RPS6KC1: variants seen among roughly 807,000 people sequenced by gnomAD.
RPS6KC1 encodes the protein ribosomal protein S6 kinase C1, also known as inactive ribosomal protein S6 kinase delta-1.
A neutral mutation model predicts 103.8 loss-of-function variants in RPS6KC1; 54 were observed. The ratio of observed to expected loss-of-function variants is 0.52; its 90% CI spans 0.42 to 0.65. The LOEUF (loss-of-function observed/expected upper bound fraction) is 0.65. Among genes scored for constraint, RPS6KC1 ranks in the 30% least tolerant of loss-of-function variants. RPS6KC1 has a pLI of 0.00. For synonymous variants in RPS6KC1, 439 were observed against 438.7 expected, an observed-to-expected ratio of 1.00 and a Z score of -0.01; for missense variants, 1,151 against 1,253.8, an observed-to-expected ratio of 0.92 and a Z score of 1.24.
chr1:213,156,175 C>T (rs922008204), intron 6 of RPS6KC1, among the ~76,000 whole-genome samples: 6 of 152,028 alleles, frequency 3.9e-5, no homozygotes, highest in African/African-American at 1.5e-4. Context: ...TTACAAAAGA[C>T]CAAACTGAAC....
chr1:213,743,043 T>C, the RPS6KC1 span, among the ~76,000 whole-genome samples: 1 of 152,118 alleles, frequency 6.6e-6, no homozygotes, highest in Non-Finnish European at 1.5e-5. Flanking sequence ...TGGGTATATA[T>C]CCAAAAGAAA....
chr1:213,704,324 C>G, the RPS6KC1 span, among the ~76,000 whole-genome samples: 4 of 146,762 alleles, frequency 2.7e-5, no homozygotes, highest in Non-Finnish European at 6.0e-5. Context: ...GGGGGCGGAG[C>G]CTGCAGTGAG....
At chr1:213,452,834 G>T in the RPS6KC1 span, among the ~76,000 whole-genome samples, 5 of 152,214 alleles carry the variant, frequency 3.3e-5, no homozygotes, top group East Asian at 9.6e-4. Context: ...ATCTGCATGA[G>T]TGAGGGCTAA....
At chr1:213,776,364 TG>T in the RPS6KC1 span, among the ~76,000 whole-genome samples, 2 of 151,944 alleles carry the variant, frequency 1.3e-5, no homozygotes, top group Non-Finnish European at 2.9e-5. Context: ...ATCTATGGGC[TG>T]CAGAATGGAT....
At chr1:213,498,777 T>C in the RPS6KC1 span, among the ~76,000 whole-genome samples, 7,921 of 132,856 alleles carry the variant, frequency 0.06, 722 homozygotes, top group African/African-American at 0.2. Context: ...CTAAGATTTT[T>C]TTTTTTTTTT....
At chr1:213,613,204 G>A in the RPS6KC1 span, among the ~76,000 whole-genome samples, 2 of 152,214 alleles carry the variant, frequency 1.3e-5, no homozygotes, top group Non-Finnish European at 2.9e-5. Flanking sequence ...GGAATTGGTG[G>A]CCCCTGAGTG....
the RPS6KC1 span, among the ~76,000 whole-genome samples, chr1:213,309,753 C>T: frequency 2.7e-5 from 4 of 150,540 alleles, no homozygotes; most frequent in South Asian, 4.2e-4. Context: ...GGTGAGATCT[C>T]GGCTCACTGC....
the RPS6KC1 span, among the ~76,000 whole-genome samples, chr1:213,697,061 C>G: frequency 6.6e-6 from 1 of 152,192 alleles, no homozygotes; most frequent in African/African-American, 2.4e-5. Context: ...TAAAGCACCT[C>G]ACAGAACTCA....
intron 6 of RPS6KC1, among the ~76,000 whole-genome samples, chr1:213,151,175 C>A (rs2088776285): frequency 7.3e-6 from 1 of 136,572 alleles, no homozygotes; most frequent in Non-Finnish European, 1.6e-5. Context: ...GGGGGCTGAC[C>A]CCCCCACCTC....
chr1:213,690,906 A>T, the RPS6KC1 span, among the ~76,000 whole-genome samples: 1 of 151,804 alleles, frequency 6.6e-6, no homozygotes, highest in African/African-American at 2.4e-5. Context: ...AGTCCAAGGT[A>T]CTCCTGGCTG....
intron 2 of RPS6KC1, among the ~76,000 whole-genome samples, chr1:213,072,393 C>T (rs1225268868): frequency 6.6e-6 from 1 of 151,742 alleles, no homozygotes; most frequent in African/African-American, 2.4e-5. Context: ...TATTTTTATA[C>T]AAAAATTAGC....
chr1:213,522,784 T>G, the RPS6KC1 span, among the ~76,000 whole-genome samples: 1 of 152,322 alleles, frequency 6.6e-6, no homozygotes, highest in Middle Eastern at 3.4e-3. Flanking sequence ...CAGGACCTAT[T>G]TCTGGATCAA....
At chr1:213,191,964 A>G (rs2092764325) in intron 8 of RPS6KC1, among the ~76,000 whole-genome samples, 1 of 152,036 alleles carries the variant, frequency 6.6e-6, no homozygotes, top group Admixed American at 6.6e-5. Flanking sequence ...ACGTGTCACC[A>G]TGCCCAGCTT....
At chr1:213,846,396 G>A in the RPS6KC1 span, among the ~76,000 whole-genome samples, 7 of 152,102 alleles carry the variant, frequency 4.6e-5, no homozygotes, top group East Asian at 1.9e-4. Context: ...CACTAACAGC[G>A]CCTCCACTTC....
the RPS6KC1 span, among the ~76,000 whole-genome samples, chr1:213,551,847 C>T: frequency 1.3e-5 from 2 of 152,220 alleles, no homozygotes; most frequent in Non-Finnish European, 2.9e-5. Context: ...TTCCTCTGTG[C>T]TCTGCCTATT....
At chr1:213,570,814 T>G in the RPS6KC1 span, among the ~76,000 whole-genome samples, 1 of 152,194 alleles carries the variant, frequency 6.6e-6, no homozygotes, top group African/African-American at 2.4e-5. Flanking sequence ...TCCACATTGA[T>G]CCCATCTACT....
At chr1:213,448,027 A>C in the RPS6KC1 span, among the ~76,000 whole-genome samples, 2 of 152,028 alleles carry the variant, frequency 1.3e-5, no homozygotes, top group South Asian at 4.1e-4. Flanking sequence ...TGAGGCCAGG[A>C]GTTTGAGACC....
intron 14 of RPS6KC1, among the ~76,000 whole-genome samples, chr1:213,266,534 T>C (rs2094915755): frequency 6.6e-6 from 1 of 152,148 alleles, no homozygotes; most frequent in Non-Finnish European, 1.5e-5. Context: ...TTAGACAGAT[T>C]TGGTAAAAAA....
At chr1:213,239,147 G>A (rs1004085792) in intron 10 of RPS6KC1, among the ~76,000 whole-genome samples, 6 of 152,106 alleles carry the variant, frequency 3.9e-5, no homozygotes, top group Non-Finnish European at 7.4e-5. Flanking sequence ...ATAATATCCT[G>A]TACCACTAAC....
Sources: gnomAD v4.1 joint callset for allele counts (sites outside exome capture counted in the v4.1 genomes callset) on GRCh38, gnomAD v4.1.1 for gene constraint, MANE v1.5 for transcripts, NCBI Gene and HGNC (gene_info 2026-07-23, HGNC 2026-07-21) for gene names.